BLZF1: variants seen among roughly 807,000 people sequenced by gnomAD.
BLZF1 encodes golgin-45.
A neutral mutation model predicts 43.8 loss-of-function variants in BLZF1; 39 were observed. That is an observed-to-expected ratio of 0.89 (90% CI 0.69 to 1.16). The LOEUF (loss-of-function observed/expected upper bound fraction) is 1.16. Ranked by LOEUF, BLZF1 falls within the 50% of genes most tolerant of loss-of-function variation. The pLI is 0.00. For missense variants in BLZF1, 449 were observed against 469.8 expected (o/e 0.96, Z 0.41); for synonymous variants, 136 against 159.4 (o/e 0.85, Z 1.11).
Position 169,369,510 on chromosome 1 carries a change from T to A in BLZF1, c.-13T>A. The A allele has an allele frequency of 6.2e-7, 1 of 1,609,156 alleles. No homozygotes were observed. Among genetic ancestry groups the A allele is most frequent in the South Asian group, 1.1e-5 (1 of 90,108 alleles). On this transcript the variant is annotated 5_prime_UTR_variant, in exon 2 of 7. Transcript: ENST00000367808. ...AAGTCTTGGAGTGCATTTTCAGTGG[T>A]TAAGGTGAAAAAATGACTACTAAAA...
At chr1:169,394,583 G>A (rs1450943677) in intron 7 of BLZF1, among the ~76,000 whole-genome samples, 3 of 152,110 alleles carry the variant, frequency 2.0e-5, no homozygotes, top group African/African-American at 7.2e-5. Context: ...GTACTAACGG[G>A]TGGAATTAGG....
chr1:169,382,319 C>T (rs764826652), intron 6 of BLZF1, 38 bp downstream of exon 6: 21 of 1,553,114 alleles, frequency 1.4e-5, no homozygotes, highest in Non-Finnish European at 1.7e-5. Flanking sequence ...GAACTTCTAA[C>T]ACTGTCCTTT....
At chr1:169,382,618 T>C (rs1341825264) in intron 6 of BLZF1, among the ~76,000 whole-genome samples, 1 of 152,248 alleles carries the variant, frequency 6.6e-6, no homozygotes, top group East Asian at 1.9e-4. Flanking sequence ...AGTAGATTCA[T>C]AGATTACTTC....
downstream of BLZF1, among the ~76,000 whole-genome samples, chr1:169,390,500 A>AGTC (rs1654791920): frequency 6.6e-6 from 1 of 152,216 alleles, no homozygotes; most frequent in South Asian, 2.1e-4. Flanking sequence ...GGACATTATT[A>AGTC]GTCACCTTAC....
At chr1:169,375,393 CATATATATATATAT>C (rs58679820) in intron 2 of BLZF1, among the ~76,000 whole-genome samples, 6,094 of 85,812 alleles carry the variant, frequency 0.071, 359 homozygotes, top group African/African-American at 0.16. Context: ...ATATATAAAA[CATATATATATATAT>C]ATATATATAT....
In BLZF1 at chr1:169,376,577, T is replaced by C. The variant is rs1654351770; in HGVS notation, c.66T>C (p.Asp22=). ...VTSSPIRGAG[D]GMETEEPPKS... is the part of the protein sequence containing the mutation. The stretch of plus-strand genomic sequence containing the variant: ...CATCCCCAATCCGAGGAGCAGGAGA[T>C]GGAATGGAAACTGAGGAACCACCTA... The change falls in exon 3 of 7, where the codon GAT becomes GAC. Residue 22 remains aspartate, a synonymous_variant. Coordinates refer to ENST00000367808, the MANE Select transcript of BLZF1 (RefSeq NM_001320973.2). 2 of 1,609,796 alleles carry C rather than the reference T, an allele frequency of 1.2e-6. No homozygotes were observed. The highest frequency in any genetic ancestry group is 2.7e-5 in the African/African-American group (2 of 74,724).
In BLZF1 at chr1:169,380,574, G is replaced by T. The variant is rs544635266; in HGVS notation, c.762G>T (p.Arg254=). Residue 254 remains arginine, a synonymous_variant, in exon 5 of 7, where the codon CGG becomes CGT. Coordinates refer to ENST00000367808, the MANE Select transcript of BLZF1 (RefSeq NM_001320973.2). ...HGAIQDLLSE[R]EQFRQEMIAT... is the part of the protein sequence containing the mutation. Reference sequence around the variant, plus strand: ...CTATACAAGATCTCCTAAGTGAACGGGAACAGTTTCGTCAAGAAATGATAG... The same window carrying T: ...CTATACAAGATCTCCTAAGTGAACGTGAACAGTTTCGTCAAGAAATGATAG... 6.2e-7 allele frequency: 1 copy of T among 1,612,744 alleles called. No homozygotes were observed. Among genetic ancestry groups the T allele is most frequent in the Non-Finnish European group, 8.5e-7 (1 of 1,179,064 alleles).
chr1:169,378,551 A>G (rs982584351), intron 4 of BLZF1, 22 bp downstream of exon 4: 2 of 1,604,714 alleles, frequency 1.2e-6, no homozygotes, highest in East Asian at 2.2e-5. Flanking sequence ...AGCAAATAGT[A>G]TTTCACTTCC....
chr1:169,396,071 C>T (rs1445303298), exon 8 of BLZF1: 5 of 151,966 alleles, frequency 3.3e-5, no homozygotes, highest in Non-Finnish European at 7.4e-5. Flanking sequence ...TAATGAAAAG[C>T]AGATTGCAGA....
Position 169,380,393 on chromosome 1 carries a change from G to C in BLZF1, c.669-88G>C, listed in dbSNP as rs978252754. 6 of 1,246,336 alleles carry C rather than the reference G, an allele frequency of 4.8e-6. No individual in the cohort carries two copies. In the South Asian group the frequency reaches 8.8e-5, roughly 18 times the overall value. The allele number at this position is 1,246,336 out of a possible 1,614,324, so 77.2% of individuals were successfully genotyped here. ...TACTGTTAAATCTTTGTTAGCTTCT[G>C]AAAGTGACAGTCACAAAGTAGTATA... On this transcript the variant is annotated intron_variant, in intron 4 of 6. Transcript: ENST00000367808.
chr1:169,377,464 T>A (rs1292864300), intron 3 of BLZF1: 1 of 153,382 alleles, frequency 6.5e-6, no homozygotes, highest in Non-Finnish European at 1.4e-5. Flanking sequence ...TAGTAAAAAT[T>A]GCCTTGCCCC....
rs1557849884 is a variant in BLZF1 at position 169,382,219 on chromosome 1, CA to C, written c.962del (p.Lys321ArgfsTer21). 4 of 1,612,854 alleles carry C rather than the reference CA, an allele frequency of 2.5e-6. No individual in the cohort carries two copies. Among genetic ancestry groups the C allele is most frequent in the Non-Finnish European group, 3.4e-6 (4 of 1,179,474 alleles). ...HLLGNVGINN[Q>X]KKIPSTVEFC... is the part of the protein sequence containing the mutation. Reference sequence around the variant, plus strand: ...TCTGGGAAATGTTGGCATTAACAATCAAAAAAAGATTCCATCAACAGTTGAA... The same window carrying C: ...TCTGGGAAATGTTGGCATTAACAATCAAAAAAGATTCCATCAACAGTTGAA... On this transcript the variant is annotated frameshift_variant, in exon 6 of 7. Transcript: ENST00000367808. LOFTEE classifies it high-confidence loss of function.
chr1:169,383,905 A>G (rs1415721636), intron 6 of BLZF1, among the ~76,000 whole-genome samples: 3 of 152,086 alleles, frequency 2.0e-5, no homozygotes, highest in Admixed American at 1.3e-4. Context: ...CTTTCTTTAC[A>G]TAACATACTT....
chr1:169,370,445 T>C (rs1009787835), intron 2 of BLZF1, among the ~76,000 whole-genome samples: 6 of 152,226 alleles, frequency 3.9e-5, no homozygotes, highest in Non-Finnish European at 8.8e-5. Flanking sequence ...TCCCTGCCTT[T>C]TGAGATACGT....
rs758378643 is a variant in BLZF1 at position 169,378,318 on chromosome 1, G to A, written c.469-12G>A. ...ACTTTGAGCTTGTTGTATTGATTACGTTCTCTTCTAGGTAAATCGTGAGTT... is the reference window on the plus strand; with the variant it reads ...ACTTTGAGCTTGTTGTATTGATTACATTCTCTTCTAGGTAAATCGTGAGTT... On this transcript the variant is annotated splice_polypyrimidine_tract_variant and intron_variant, in intron 3 of 6. Coordinates refer to ENST00000367808, the MANE Select transcript of BLZF1 (RefSeq NM_001320973.2). 89 of 1,609,728 alleles carry A rather than the reference G, an allele frequency of 5.5e-5. No homozygotes were observed. The highest frequency in any genetic ancestry group is 2.6e-4 in the South Asian group (24 of 90,916).
intron 2 of BLZF1, among the ~76,000 whole-genome samples, chr1:169,373,205 G>A (rs1469528156): frequency 3.3e-5 from 5 of 152,096 alleles, no homozygotes; most frequent in South Asian, 2.1e-4. Flanking sequence ...TAGGCAATAC[G>A]AATGAGCAAA....
intron 5 of BLZF1, among the ~76,000 whole-genome samples, chr1:169,381,216 T>C (rs904272216): frequency 2.0e-5 from 3 of 151,800 alleles, no homozygotes; most frequent in Non-Finnish European, 2.9e-5. Context: ...CAATATAGAC[T>C]CTATACACAT....
chr1:169,385,801 G>C (rs1654649179), intron 6 of BLZF1, among the ~76,000 whole-genome samples: 1 of 152,078 alleles, frequency 6.6e-6, no homozygotes, highest in Non-Finnish European at 1.5e-5. Context: ...TTTGGGTTTG[G>C]TGGTAACTTA....
At chr1:169,382,886 A>C (rs565731346) in intron 6 of BLZF1, among the ~76,000 whole-genome samples, 29 of 152,308 alleles carry the variant, frequency 1.9e-4, no homozygotes, top group African/African-American at 7.0e-4. Flanking sequence ...TGTGATCTCA[A>C]CTTTTTTTCT....
Sources: gnomAD v4.1 joint callset for allele counts (sites outside exome capture counted in the v4.1 genomes callset) on GRCh38, gnomAD v4.1.1 for gene constraint, MANE v1.5 for transcripts, NCBI Gene and HGNC (gene_info 2026-07-23, HGNC 2026-07-21) for gene names.